Variants in NSMCE2 observed in about 807,000 individuals in gnomAD.
NSMCE2 encodes NSE2 SUMO ligase component of SMC5/6 complex.
A neutral mutation model predicts 23.8 loss-of-function variants in NSMCE2; 24 were observed. The ratio of observed to expected loss-of-function variants is 1.01; its 90% CI spans 0.73 to 1.42. The LOEUF (loss-of-function observed/expected upper bound fraction) is 1.42, where lower values mean the gene tolerates loss of function less well. Ranked by LOEUF, NSMCE2 falls within the 40% of genes most tolerant of loss-of-function variation. The pLI is 0.00. For missense variants in NSMCE2, 284 were observed against 296.5 expected, an observed-to-expected ratio of 0.96 and a Z score of 0.31; for synonymous variants, 92 against 94.1, an observed-to-expected ratio of 0.98 and a Z score of 0.13.
At chr8:125,288,401 T>A (rs1827979713) in intron 5 of NSMCE2, among the ~76,000 whole-genome samples, 1 of 152,206 alleles carries the variant, frequency 6.6e-6, no homozygotes, top group Non-Finnish European at 1.5e-5. Context: ...AACCTAGTCA[T>A]AATTAGACTA....
intron 4 of NSMCE2, among the ~76,000 whole-genome samples, chr8:125,177,298 G>T (rs1054584531): frequency 6.6e-6 from 1 of 152,188 alleles, no homozygotes; most frequent in African/African-American, 2.4e-5. Context: ...TTTCAACCCA[G>T]AGTGGATTCA....
intron 7 of NSMCE2, among the ~76,000 whole-genome samples, chr8:125,362,722 A>C (rs76990021): frequency 0.032 from 4,804 of 152,326 alleles, 156 homozygotes; most frequent in South Asian, 0.17. Context: ...TCAGTAGGCC[A>C]TCCAGCTCCC....
At chr8:125,316,730 CTTTTCCTTCCTT>C (rs1829215416) in intron 5 of NSMCE2, among the ~76,000 whole-genome samples, 1 of 66,540 alleles carries the variant, frequency 1.5e-5, no homozygotes, top group Non-Finnish European at 2.7e-5. Context: ...TTCTTTCCTT[CTTTTCCTTCCTT>C]CCTTCCTTCC....
chr8:125,167,152 G>A (rs1031178688), intron 4 of NSMCE2, among the ~76,000 whole-genome samples: 1 of 152,152 alleles, frequency 6.6e-6, no homozygotes, highest in African/African-American at 2.4e-5. Context: ...TTCGATTCTA[G>A]TGCAAGATGG....
At chr8:125,294,611 C>T (rs185617800) in intron 5 of NSMCE2, among the ~76,000 whole-genome samples, 2 of 152,190 alleles carry the variant, frequency 1.3e-5, no homozygotes, top group African/African-American at 4.8e-5. Context: ...TTCTTATGCA[C>T]GTAATAGAAA....
At chr8:125,183,329 T>C (rs1822921188) in intron 5 of NSMCE2, among the ~76,000 whole-genome samples, 1 of 152,330 alleles carries the variant, frequency 6.6e-6, no homozygotes, top group East Asian at 1.9e-4. Flanking sequence ...TTTGGAATGT[T>C]TTGCAATCAT....
intron 5 of NSMCE2, among the ~76,000 whole-genome samples, chr8:125,313,225 AAAAG>A (rs1277895932): frequency 6.6e-5 from 10 of 150,492 alleles, no homozygotes; most frequent in South Asian, 6.2e-4. Context: ...AAAAGAAAGA[AAAAG>A]AAGAAAGAAA....
At chr8:125,291,148 T>C (rs982577576) in intron 5 of NSMCE2, among the ~76,000 whole-genome samples, 3 of 152,148 alleles carry the variant, frequency 2.0e-5, no homozygotes, top group Non-Finnish European at 4.4e-5. Context: ...GTTACCAAAC[T>C]ACAGCAGAAA....
At chr8:125,159,380 C>A (rs776029118) in intron 4 of NSMCE2, among the ~76,000 whole-genome samples, 1 of 152,146 alleles carries the variant, frequency 6.6e-6, no homozygotes, top group African/African-American at 2.4e-5. Flanking sequence ...TTTTACTGTA[C>A]CTTTTCTGTG....
chr8:125,125,221 A>C (rs1819455712), intron 3 of NSMCE2, among the ~76,000 whole-genome samples: 1 of 152,074 alleles, frequency 6.6e-6, no homozygotes, highest in South Asian at 2.1e-4. Flanking sequence ...ATGTTGAGTA[A>C]AAGTGTCAAG....
chr8:125,182,442 A>G (rs1363958899), intron 5 of NSMCE2, 186 bp downstream of exon 5: 2 of 607,898 alleles, frequency 3.3e-6, no homozygotes, highest in East Asian at 2.9e-5. Context: ...CAGCCTGCTC[A>G]TTTCTGAAAG....
intron 5 of NSMCE2, among the ~76,000 whole-genome samples, chr8:125,216,810 T>C (rs1824608083): frequency 6.6e-6 from 1 of 152,224 alleles, no homozygotes; most frequent in Admixed American, 6.5e-5. Context: ...ATACTGTTTA[T>C]ACTCCAACCT....
chr8:125,107,184 C>T (rs1162156463), intron 3 of NSMCE2, among the ~76,000 whole-genome samples: 1 of 131,740 alleles, frequency 7.6e-6, no homozygotes, highest in Non-Finnish European at 1.5e-5. Context: ...TTATCAAGGA[C>T]ATTCTTTTTT....
chr8:125,128,321 A>G (rs910965456), intron 3 of NSMCE2, among the ~76,000 whole-genome samples: 2 of 152,232 alleles, frequency 1.3e-5, no homozygotes, highest in Non-Finnish European at 2.9e-5. Flanking sequence ...AGTAGTTCCC[A>G]GCTATTAGGT....
chr8:125,343,854 A>T (rs934398494), intron 5 of NSMCE2, among the ~76,000 whole-genome samples: 1 of 151,232 alleles, frequency 6.6e-6, no homozygotes, highest in Non-Finnish European at 1.5e-5. Context: ...AAATAAAAAA[A>T]AATTAGCTGG....
At chr8:125,267,003 C>CTTTTTTTTT (rs35990794) in intron 5 of NSMCE2, among the ~76,000 whole-genome samples, 2 of 111,982 alleles carry the variant, frequency 1.8e-5, no homozygotes, top group South Asian at 3.0e-4. Flanking sequence ...TTTTTTCTTT[C>CTTTTTTTTT]TTTTTTTTTT....
Position 125,151,151 on chromosome 8 carries a change from G to A in NSMCE2, c.158-20G>A. On this transcript the variant is annotated intron_variant, in intron 3 of 7. Coordinates refer to ENST00000287437, the MANE Select transcript of NSMCE2 (RefSeq NM_173685.4). Reference sequence around the variant, plus strand: ...GCATTTTAAATGGAAAATAATAATTGCAATTTTTTTTTCTTTCAGCTGAAG... The same window carrying A: ...GCATTTTAAATGGAAAATAATAATTACAATTTTTTTTTCTTTCAGCTGAAG... 1 of 1,341,808 alleles carries A rather than the reference G, an allele frequency of 7.5e-7. No individual in the cohort carries two copies. Among genetic ancestry groups the A allele is most frequent in the Non-Finnish European group, 1.1e-6 (1 of 940,544 alleles). 83.1% of individuals were successfully genotyped at this position (1,341,808 alleles called of 1,614,324 possible). A position where few individuals can be genotyped will look rare whatever the true frequency, so the allele number is the denominator to read the frequency against.
Position 125,324,803 on chromosome 8 carries a change from T to C in NSMCE2, c.419-32416T>C, listed in dbSNP as rs1327731192. 3.0e-5 allele frequency among the ~76,000 whole-genome samples: 2 copies of C among 67,326 alleles called. 1 individual carries two copies. Among genetic ancestry groups the C allele is most frequent in the Non-Finnish European group, 8.8e-5 (2 of 22,830 alleles). The allele number at this position is 67,326 out of a possible 152,430, so 44.2% of individuals were successfully genotyped here. A position where few individuals can be genotyped will look rare whatever the true frequency, so the allele number is the denominator to read the frequency against. On this transcript the variant is annotated intron_variant, in intron 5 of 7. Coordinates refer to ENST00000287437, the MANE Select transcript of NSMCE2 (RefSeq NM_173685.4). ...GTTAGACAGGATGGTCTCGATCTCC[T>C]GACCTCGTGATCCGCCCGCCTCGGC... is the stretch of plus-strand genomic sequence containing the variant.
At chr8:125,127,324 G>A (rs769549152) in intron 3 of NSMCE2, among the ~76,000 whole-genome samples, 4 of 152,154 alleles carry the variant, frequency 2.6e-5, no homozygotes, top group South Asian at 4.1e-4. Context: ...CTGAGGTTGG[G>A]GGAGTACATG....
Sources: gnomAD v4.1 joint callset for allele counts (sites outside exome capture counted in the v4.1 genomes callset) on GRCh38, gnomAD v4.1.1 for gene constraint, MANE v1.5 for transcripts, NCBI Gene and HGNC (gene_info 2026-07-23, HGNC 2026-07-21) for gene names.